HECW1: variants seen among roughly 807,000 people sequenced by gnomAD.
HECW1 encodes HECT, C2 and WW domain containing E3 ubiquitin protein ligase 1, also known as E3 ubiquitin-protein ligase HECW1.
Under a neutral mutation model 182.3 loss-of-function variants are expected in HECW1, and 61 were observed. The observed-to-expected ratio is 0.33, with a 90% CI of 0.27 to 0.41. HECW1 has a LOEUF of 0.41. Ranked by LOEUF, HECW1 falls within the 10% of genes least tolerant of loss-of-function variation. The pLI, the probability that HECW1 is intolerant of heterozygous loss-of-function variation, is 1.00. For synonymous variants in HECW1, 859 were observed against 832.6 expected, an observed-to-expected ratio of 1.03 and a Z score of -0.55; for missense variants, 1,739 against 2,108.9, an observed-to-expected ratio of 0.82 and a Z score of 3.44.
intron 29 of HECW1, among the ~76,000 whole-genome samples, chr7:43,557,045 C>T (rs1050822050): frequency 2.0e-5 from 3 of 151,656 alleles, no homozygotes; most frequent in Admixed American, 6.6e-5. Context: ...AATAGTGACC[C>T]CTGTCCAATC....
intron 2 of HECW1, among the ~76,000 whole-genome samples, chr7:43,120,127 G>A (rs1442746713): frequency 6.6e-6 from 1 of 151,524 alleles, no homozygotes; most frequent in East Asian, 1.9e-4. Context: ...TTTGACCATA[G>A]CCCTGTTCAG....
intron 2 of HECW1, among the ~76,000 whole-genome samples, chr7:43,196,447 T>G (rs989561017): frequency 2.0e-5 from 3 of 152,242 alleles, no homozygotes; most frequent in Admixed American, 2.0e-4. Context: ...ATTGTTCCGT[T>G]TTGCATAAGT....
At chr7:43,231,481 C>T (rs144850240) in intron 2 of HECW1, among the ~76,000 whole-genome samples, 7 of 152,292 alleles carry the variant, frequency 4.6e-5, no homozygotes, top group African/African-American at 1.7e-4. Flanking sequence ...AGTGCCTTCA[C>T]GGAGACTCAC....
At chr7:43,474,707 A>T (rs2078156559) in intron 16 of HECW1, among the ~76,000 whole-genome samples, 1 of 152,228 alleles carries the variant, frequency 6.6e-6, no homozygotes, top group Non-Finnish European at 1.5e-5. Flanking sequence ...ATATAACTTT[A>T]TGTGAATGAA....
rs574597674 is a variant in HECW1 at position 43,447,490 on chromosome 7, G to A, written c.2398+1920G>A. Among the ~76,000 whole-genome samples the A allele has an allele frequency of 1.4e-4, 21 of 152,296 alleles. No individual in the cohort carries two copies. In the East Asian group the frequency reaches 3.9e-3, roughly 28 times the overall value. On this transcript the variant is annotated intron_variant, in intron 11 of 29. Coordinates refer to ENST00000395891, the MANE Select transcript of HECW1 (RefSeq NM_015052.5). The stretch of plus-strand genomic sequence containing the variant: ...CTCTGCAGAGTGTAAACTCAGAAAA[G>A]GTTAAGAAGCACCTACATGCTTCAC...
chr7:43,163,549 A>G (rs1252320012), intron 2 of HECW1, among the ~76,000 whole-genome samples: 1 of 152,122 alleles, frequency 6.6e-6, no homozygotes, highest in East Asian at 1.9e-4. Flanking sequence ...GTCGCAGACC[A>G]TATGCCAGTT....
chr7:43,547,329 G>A (rs561789079), intron 26 of HECW1, among the ~76,000 whole-genome samples: 3 of 152,110 alleles, frequency 2.0e-5, no homozygotes, highest in East Asian at 1.9e-4. Context: ...TGGGCAGATC[G>A]CAAAGTCAAG....
intron 26 of HECW1, among the ~76,000 whole-genome samples, chr7:43,545,405 G>GA (rs986871139): frequency 1.3e-5 from 2 of 152,070 alleles, no homozygotes; most frequent in Non-Finnish European, 2.9e-5. Flanking sequence ...CGACAACTTA[G>GA]AAAAAAAGCT....
intron 17 of HECW1, among the ~76,000 whole-genome samples, chr7:43,485,559 C>T (rs867819386): frequency 5.9e-5 from 9 of 152,156 alleles, no homozygotes; most frequent in African/African-American, 1.9e-4. Flanking sequence ...CTAGGCTGTA[C>T]GGTATGGCTA....
intron 8 of HECW1, among the ~76,000 whole-genome samples, chr7:43,437,643 ATTGT>A (rs1178380113): frequency 6.6e-6 from 1 of 152,134 alleles, no homozygotes; most frequent in African/African-American, 2.4e-5. Context: ...ACCATATTGC[ATTGT>A]TTATTTAAAG....
At chr7:43,309,770 C>G (rs980179208) in intron 3 of HECW1, among the ~76,000 whole-genome samples, 1 of 152,146 alleles carries the variant, frequency 6.6e-6, no homozygotes, top group African/African-American at 2.4e-5. Context: ...GAATTTAATG[C>G]AAGTTCATAA....
intron 5 of HECW1, among the ~76,000 whole-genome samples, chr7:43,336,343 AT>A (rs974125400): frequency 8.6e-5 from 13 of 151,172 alleles, no homozygotes; most frequent in African/African-American, 2.7e-4. Flanking sequence ...TTAAAAAAAA[AT>A]TTTTTTTAGA....
chr7:43,218,641 G>T (rs567280073), intron 2 of HECW1, among the ~76,000 whole-genome samples: 194 of 152,224 alleles, frequency 1.3e-3, no homozygotes, highest in African/African-American at 4.5e-3. Context: ...TTTACTCATG[G>T]GCTGATAAAG....
chr7:43,211,262 C>G (rs1453305501), intron 2 of HECW1, among the ~76,000 whole-genome samples: 1 of 152,148 alleles, frequency 6.6e-6, no homozygotes, highest in East Asian at 1.9e-4. Context: ...GGCTAAATAT[C>G]AGGATGAAAA....
chr7:43,174,861 C>T (rs1245645053), intron 2 of HECW1, among the ~76,000 whole-genome samples: 2 of 152,116 alleles, frequency 1.3e-5, no homozygotes, highest in African/African-American at 4.8e-5. Flanking sequence ...TTTTGCTGTG[C>T]CCCTAACAGC....
At chr7:43,182,090 A>G (rs1380759111) in intron 2 of HECW1, among the ~76,000 whole-genome samples, 1 of 152,062 alleles carries the variant, frequency 6.6e-6, no homozygotes, top group Admixed American at 6.5e-5. Flanking sequence ...GGCCTCTCAT[A>G]TTCTTTAAGT....
At position 43,298,821 on chromosome 7, in the gene HECW1, C is replaced by T. The variant is rs941473562; in HGVS notation, c.28-12942C>T. Among the ~76,000 whole-genome samples, 6 of 152,222 alleles carry T rather than the reference C, an allele frequency of 3.9e-5. No individual in the cohort carries two copies. The East Asian group carries it at 1.2e-3, about 29-fold the overall frequency. On this transcript the variant is annotated intron_variant, in intron 3 of 29. Transcript: ENST00000395891. ...GCCACCACTTACCACGAGGTGCAGG[C>T]TCTGTCTGCCGCCCCCACATCTCGA...
chr7:43,300,191 A>G (rs968831397), intron 3 of HECW1, among the ~76,000 whole-genome samples: 1 of 152,172 alleles, frequency 6.6e-6, no homozygotes, highest in Non-Finnish European at 1.5e-5. Context: ...TTCTATACAT[A>G]TATTGCCAGT....
chr7:43,294,108 C>T (rs904813801), intron 3 of HECW1, among the ~76,000 whole-genome samples: 2 of 152,118 alleles, frequency 1.3e-5, no homozygotes, highest in Non-Finnish European at 2.9e-5. Flanking sequence ...GTTTGGGGAC[C>T]GCTGCTGCAG....
Sources: gnomAD v4.1 joint callset for allele counts (sites outside exome capture counted in the v4.1 genomes callset) on GRCh38, gnomAD v4.1.1 for gene constraint, MANE v1.5 for transcripts, NCBI Gene and HGNC (gene_info 2026-07-23, HGNC 2026-07-21) for gene names.